The following ARHGAP28 variants were observed in gnomAD, a reference collection of about 807,000 sequenced individuals.
The protein encoded by ARHGAP28 is rho GTPase-activating protein 28.
ARHGAP28 carries 56 observed loss-of-function variants against 90.7 expected under a neutral mutation model. The ratio of observed to expected loss-of-function variants is 0.62; its 90% CI spans 0.50 to 0.77. The LOEUF (loss-of-function observed/expected upper bound fraction) is 0.77, where lower values mean the gene tolerates loss of function less well. Ranked by LOEUF, ARHGAP28 falls within the 30% of genes least tolerant of loss-of-function variation. ARHGAP28 has a pLI of 0.00. For synonymous variants in ARHGAP28, 308 were observed against 323.3 expected (o/e 0.95, Z 0.51); for missense variants, 869 against 900.9 (o/e 0.96, Z 0.45).
At chr18:6,880,847 A>G (rs1213190916) in intron 10 of ARHGAP28, among the ~76,000 whole-genome samples, 2 of 152,182 alleles carry the variant, frequency 1.3e-5, no homozygotes, top group Non-Finnish European at 2.9e-5. Flanking sequence ...CCCACCCACT[A>G]GATTACAGGA....
At chr18:6,829,413 G>A (rs1206597101) in intron 2 of ARHGAP28, among the ~76,000 whole-genome samples, 2 of 152,102 alleles carry the variant, frequency 1.3e-5, no homozygotes, top group East Asian at 1.9e-4. Flanking sequence ...TTACTCATTT[G>A]CTCAAACCTA....
At chr18:6,855,034 C>A (rs2056941833) in intron 4 of ARHGAP28, among the ~76,000 whole-genome samples, 1 of 152,214 alleles carries the variant, frequency 6.6e-6, no homozygotes, top group Admixed American at 6.5e-5. Context: ...GGGAGGGAGG[C>A]CGAGGTGGGT....
intron 16 of ARHGAP28, chr18:6,898,402 C>A: frequency 1.9e-6 from 2 of 1,054,614 alleles, no homozygotes; most frequent in South Asian, 1.3e-5. Flanking sequence ...CACATATACA[C>A]ACACACATTA....
chr18:6,867,228 C>T (rs2057044346), intron 5 of ARHGAP28, among the ~76,000 whole-genome samples: 1 of 151,960 alleles, frequency 6.6e-6, no homozygotes, highest in Non-Finnish European at 1.5e-5. Flanking sequence ...AATTCAAGAC[C>T]CCTTTGCGCA....
chr18:6,883,285 C>T (rs1409402116), intron 11 of ARHGAP28, among the ~76,000 whole-genome samples: 3 of 150,560 alleles, frequency 2.0e-5, no homozygotes, highest in Non-Finnish European at 4.4e-5. Flanking sequence ...GTTGCCCAGG[C>T]TGGAGTTCAG....
At chr18:6,825,304 G>A (rs2056654272) in intron 2 of ARHGAP28, among the ~76,000 whole-genome samples, 1 of 151,984 alleles carries the variant, frequency 6.6e-6, no homozygotes, top group African/African-American at 2.4e-5. Context: ...TTTTACATTT[G>A]TCTACTCATT....
At chr18:6,758,208 T>C (rs1239033542) in intron 1 of ARHGAP28, among the ~76,000 whole-genome samples, 1 of 152,214 alleles carries the variant, frequency 6.6e-6, no homozygotes, top group Non-Finnish European at 1.5e-5. Context: ...AAACATACTA[T>C]AATAAAACCA....
chr18:6,827,841 A>G (rs536901889), intron 2 of ARHGAP28, among the ~76,000 whole-genome samples: 27 of 151,560 alleles, frequency 1.8e-4, no homozygotes, highest in Admixed American at 3.3e-4. Flanking sequence ...GCGGCCGGAC[A>G]GAGGCACTCC....
At chr18:6,734,308 A>T (rs2143121577) in intron 1 of ARHGAP28, among the ~76,000 whole-genome samples, 1 of 152,324 alleles carries the variant, frequency 6.6e-6, no homozygotes, top group Non-Finnish European at 1.5e-5. Context: ...TCCTGAGTAT[A>T]TACAAATAAT....
At chr18:6,838,836 C>A (rs1567965035) in intron 3 of ARHGAP28, among the ~76,000 whole-genome samples, 1 of 152,156 alleles carries the variant, frequency 6.6e-6, no homozygotes, top group Admixed American at 6.5e-5. Flanking sequence ...ACAGCTGTAA[C>A]TGAGTAAAGG....
intron 1 of ARHGAP28, among the ~76,000 whole-genome samples, chr18:6,762,204 T>C (rs4338867): frequency 0.42 from 64,428 of 151,782 alleles, 14,819 homozygotes; most frequent in East Asian, 0.85. Context: ...GTGCACCTCC[T>C]GCTCCAAAGG....
intron 3 of ARHGAP28, among the ~76,000 whole-genome samples, chr18:6,844,469 G>A (rs1240843473): frequency 1.3e-5 from 2 of 152,124 alleles, no homozygotes; most frequent in African/African-American, 4.8e-5. Flanking sequence ...CTCAGTATGG[G>A]TTGATAAATT....
intron 9 of ARHGAP28, among the ~76,000 whole-genome samples, chr18:6,874,010 C>T (rs2057111420): frequency 6.6e-6 from 1 of 152,200 alleles, no homozygotes; most frequent in Non-Finnish European, 1.5e-5. Flanking sequence ...TTGCCTATAA[C>T]ACATCAGGTG....
intron 3 of ARHGAP28, among the ~76,000 whole-genome samples, chr18:6,840,217 A>G (rs2056795096): frequency 6.6e-6 from 1 of 152,182 alleles, no homozygotes; most frequent in African/African-American, 2.4e-5. Context: ...GTTATTTTTC[A>G]GTTGTGTCCG....
intron 7 of ARHGAP28, among the ~76,000 whole-genome samples, chr18:6,871,234 T>G (rs566848189): frequency 6.6e-6 from 1 of 152,324 alleles, no homozygotes; most frequent in African/African-American, 2.4e-5. Context: ...TGGCTGTACC[T>G]GTGTGGAGGA....
intron 3 of ARHGAP28, among the ~76,000 whole-genome samples, chr18:6,839,594 G>C (rs894453181): frequency 6.6e-5 from 10 of 152,174 alleles, no homozygotes; most frequent in African/African-American, 2.4e-4. Flanking sequence ...ACTGCGCCCG[G>C]CCATAATTTT....
At chr18:6,859,762 A>G (rs2056983012) in intron 4 of ARHGAP28, 46 bp from the exon 5 acceptor site, 1 of 1,563,462 alleles carries the variant, frequency 6.4e-7, no homozygotes. Flanking sequence ...AACACATTAG[A>G]AAGTATTTGC....
intron 7 of ARHGAP28, 132 bp downstream of exon 7, chr18:6,870,864 G>C (rs529686750): frequency 3.8e-5 from 35 of 919,272 alleles, no homozygotes; most frequent in East Asian, 6.3e-5. Flanking sequence ...GCAGTGGCGC[G>C]ATCTCGGCTC....
chr18:6,827,501 G>GC (rs2056677689), intron 2 of ARHGAP28, among the ~76,000 whole-genome samples: 1 of 143,202 alleles, frequency 7.0e-6, no homozygotes, highest in African/African-American at 2.6e-5. Context: ...GGGCAGAGGC[G>GC]CCCCTCACCT....
Sources: gnomAD v4.1 joint callset for allele counts (sites outside exome capture counted in the v4.1 genomes callset) on GRCh38, gnomAD v4.1.1 for gene constraint, MANE v1.5 for transcripts, NCBI Gene and HGNC (gene_info 2026-07-23, HGNC 2026-07-21) for gene names.